Variants in EPC2 observed in about 807,000 individuals in gnomAD.
EPC2 encodes the protein enhancer of polycomb 2, also known as enhancer of polycomb homolog 2.
EPC2 carries 14 observed loss-of-function variants against 92.1 expected under a neutral mutation model. The observed-to-expected ratio is 0.15, with a 90% CI of 0.10 to 0.24. EPC2 has a LOEUF of 0.24. EPC2 is among the 10% of genes least tolerant of loss of function. EPC2 has a pLI of 1.00. For missense variants in EPC2, 755 were observed against 971.5 expected (o/e 0.78, Z 2.96); for synonymous variants, 340 against 334.7 (o/e 1.02, Z -0.17).
chr2:148,696,855 T>C (rs1681756988), intron 2 of EPC2, among the ~76,000 whole-genome samples: 1 of 152,260 alleles, frequency 6.6e-6, no homozygotes, highest in African/African-American at 2.4e-5. Flanking sequence ...CCTTCTCATC[T>C]TACTCAGTAA....
intron 1 of EPC2, among the ~76,000 whole-genome samples, chr2:148,654,245 C>T (rs1023989558): frequency 1.3e-5 from 2 of 152,034 alleles, no homozygotes; most frequent in Non-Finnish European, 2.9e-5. Context: ...CCATGCCCGG[C>T]CAAGATTACA....
chr2:148,712,534 TG>T (rs1230613015), intron 2 of EPC2, among the ~76,000 whole-genome samples: 2 of 152,168 alleles, frequency 1.3e-5, no homozygotes, highest in Non-Finnish European at 2.9e-5. Context: ...ATTGGAATGT[TG>T]TAGAACAGTG....
At chr2:148,775,191 A>G (rs1160843162) in intron 10 of EPC2, among the ~76,000 whole-genome samples, 1 of 152,218 alleles carries the variant, frequency 6.6e-6, no homozygotes, top group East Asian at 1.9e-4. Flanking sequence ...TGAGTAACCA[A>G]GAGAAATTAA....
chr2:148,785,850 A>G (rs1350350147), intron 13 of EPC2, among the ~76,000 whole-genome samples: 1 of 152,184 alleles, frequency 6.6e-6, no homozygotes, highest in Non-Finnish European at 1.5e-5. Flanking sequence ...AATGAATCAG[A>G]AAAAAATTGA....
At chr2:148,693,441 A>C (rs774443886) in intron 2 of EPC2, among the ~76,000 whole-genome samples, 3 of 152,148 alleles carry the variant, frequency 2.0e-5, no homozygotes, top group Non-Finnish European at 4.4e-5. Context: ...CTGTCTGTTG[A>C]CTATAGGATA....
intron 2 of EPC2, among the ~76,000 whole-genome samples, chr2:148,702,602 G>A (rs1332744263): frequency 6.6e-6 from 1 of 152,132 alleles, no homozygotes; most frequent in Non-Finnish European, 1.5e-5. Flanking sequence ...AACCAGCCTA[G>A]TCTCCTGCAG....
At chr2:148,731,285 T>C (rs1682622741) in intron 2 of EPC2, among the ~76,000 whole-genome samples, 1 of 152,128 alleles carries the variant, frequency 6.6e-6, no homozygotes. Flanking sequence ...TTTTGCAGAG[T>C]GCTGTTAATA....
chr2:148,728,008 C>G (rs1248615755), intron 2 of EPC2, among the ~76,000 whole-genome samples: 3 of 152,128 alleles, frequency 2.0e-5, no homozygotes, highest in Admixed American at 6.5e-5. Flanking sequence ...TCTTTTGAGA[C>G]AGAGTCTCAC....
chr2:148,761,925 G>A lies in EPC2; in HGVS notation c.810G>A (p.Glu270=). The change falls in exon 5 of 14, where the codon GAG becomes GAA. Residue 270 remains glutamate, a synonymous_variant. Coordinates refer to ENST00000258484, the MANE Select transcript of EPC2 (RefSeq NM_015630.4). ...TGCACTTAACCTTAGAAGTTGTGGAGAAAAGGTAACATTGCTCCTGTTACA... is the reference window on the plus strand; with the variant it reads ...TGCACTTAACCTTAGAAGTTGTGGAAAAAAGGTAACATTGCTCCTGTTACA... ...ELLHLTLEVV[E]KRYHLGDYGG... The A allele has an allele frequency of 6.3e-7, 1 of 1,584,006 alleles. No individual in the cohort carries two copies. The highest frequency in any genetic ancestry group is 8.5e-7 in the Non-Finnish European group (1 of 1,170,476).
intron 2 of EPC2, among the ~76,000 whole-genome samples, chr2:148,735,142 A>C (rs1422109205): frequency 1.3e-5 from 2 of 152,016 alleles, no homozygotes; most frequent in African/African-American, 4.8e-5. Context: ...CACATTTATG[A>C]GAGCTTTTCT....
chr2:148,767,735 G>A (rs1683436674), intron 7 of EPC2, among the ~76,000 whole-genome samples: 3 of 152,116 alleles, frequency 2.0e-5, no homozygotes, highest in Admixed American at 1.3e-4. Context: ...TCGTGCTTCC[G>A]ATTTTCCTAA....
At chr2:148,670,583 A>G (rs1681136746) in intron 1 of EPC2, among the ~76,000 whole-genome samples, 1 of 151,932 alleles carries the variant, frequency 6.6e-6, no homozygotes, top group Non-Finnish European at 1.5e-5. Context: ...CTTTCTTCCA[A>G]ATCCCTGTTG....
chr2:148,754,624 C>T (rs921092906), intron 4 of EPC2, among the ~76,000 whole-genome samples: 8 of 152,102 alleles, frequency 5.3e-5, no homozygotes, highest in African/African-American at 1.9e-4. Context: ...GAAAATGGAC[C>T]TTGCTGCCTC....
chr2:148,752,848 T>A (rs1416274627), intron 3 of EPC2, among the ~76,000 whole-genome samples: 1 of 152,176 alleles, frequency 6.6e-6, no homozygotes, highest in Non-Finnish European at 1.5e-5. Context: ...ATAGACTTCA[T>A]ACAACATACA....
chr2:148,701,146 A>G (rs1263947913), intron 2 of EPC2, among the ~76,000 whole-genome samples: 1 of 152,222 alleles, frequency 6.6e-6, no homozygotes. Flanking sequence ...TGCTCTAATT[A>G]GTTCCAGGAT....
At chr2:148,785,323 C>G (rs1231535110) in intron 13 of EPC2, among the ~76,000 whole-genome samples, 1 of 151,942 alleles carries the variant, frequency 6.6e-6, no homozygotes, top group East Asian at 1.9e-4. Flanking sequence ...GTTACTCTTC[C>G]CCCCACTGCC....
intron 2 of EPC2, among the ~76,000 whole-genome samples, chr2:148,723,225 T>C (rs1017501937): frequency 3.9e-5 from 6 of 152,202 alleles, no homozygotes; most frequent in Non-Finnish European, 7.4e-5. Context: ...TTTCTCTTGA[T>C]TGCAGGCATT....
intron 1 of EPC2, among the ~76,000 whole-genome samples, chr2:148,646,417 A>C (rs1683802024): frequency 6.6e-6 from 1 of 152,158 alleles, no homozygotes; most frequent in Non-Finnish European, 1.5e-5. Flanking sequence ...GAAAATGCAT[A>C]TGGCCGTAGC....
chr2:148,721,446 T>C (rs1682371858), intron 2 of EPC2, among the ~76,000 whole-genome samples: 1 of 152,140 alleles, frequency 6.6e-6, no homozygotes, highest in African/African-American at 2.4e-5. Context: ...AGGTGTTTTT[T>C]CCCCTTTGGC....
Sources: gnomAD v4.1 joint callset for allele counts (sites outside exome capture counted in the v4.1 genomes callset) on GRCh38, gnomAD v4.1.1 for gene constraint, MANE v1.5 for transcripts, NCBI Gene and HGNC (gene_info 2026-07-23, HGNC 2026-07-21) for gene names.